The following FOXP1 variants were observed in gnomAD, a reference collection of about 807,000 sequenced individuals.
FOXP1 encodes forkhead box P1.
A neutral mutation model predicts 98.2 loss-of-function variants in FOXP1; 15 were observed. The ratio of observed to expected loss-of-function variants is 0.15; its 90% confidence interval spans 0.10 to 0.24. The LOEUF is 0.24. FOXP1 is among the 10% of genes least tolerant of loss of function. The pLI is 1.00. For missense variants in FOXP1, 633 were observed against 848.5 expected, an observed-to-expected ratio of 0.75 and a Z score of 3.15; for synonymous variants, 371 against 314.5, an observed-to-expected ratio of 1.18 and a Z score of -1.90.
intron 2 of FOXP1, among the ~76,000 whole-genome samples, chr3:71,561,235 T>C (rs1016423561): frequency 6.6e-6 from 1 of 152,020 alleles, no homozygotes; most frequent in African/African-American, 2.4e-5. Flanking sequence ...TTTGTATTTT[T>C]AGTAGAGACG....
intron 5 of FOXP1, among the ~76,000 whole-genome samples, chr3:71,297,156 T>C (rs1461443315): frequency 6.6e-6 from 1 of 152,214 alleles, no homozygotes; most frequent in Non-Finnish European, 1.5e-5. Flanking sequence ...AGACTGAGCA[T>C]ATAAAATACT....
At chr3:71,353,142 C>G (rs1469183155) in intron 4 of FOXP1, among the ~76,000 whole-genome samples, 1 of 152,164 alleles carries the variant, frequency 6.6e-6, no homozygotes, top group Non-Finnish European at 1.5e-5. Context: ...AGTCACCTGG[C>G]ACTGAGAGAC....
chr3:71,568,450 T>A (rs1237945583), intron 2 of FOXP1, among the ~76,000 whole-genome samples: 1 of 152,120 alleles, frequency 6.6e-6, no homozygotes, highest in Non-Finnish European at 1.5e-5. Flanking sequence ...TTCATGGACA[T>A]GTGACCTGTG....
chr3:71,576,063 T>C (rs557722987), intron 2 of FOXP1, among the ~76,000 whole-genome samples: 3 of 152,376 alleles, frequency 2.0e-5, no homozygotes, highest in South Asian at 4.1e-4. Flanking sequence ...ATCTATTCTA[T>C]TGAACATAAA....
At chr3:71,581,510 G>A (rs945760297) in intron 2 of FOXP1, 39 bp downstream of exon 2, 1 of 985,342 alleles carries the variant, frequency 1.0e-6, no homozygotes, top group African/African-American at 1.7e-5. Context: ...GGGCTCTCCG[G>A]TGTCCCTGGA....
chr3:71,183,991 A>G (rs1196768761), intron 6 of FOXP1, among the ~76,000 whole-genome samples: 1 of 152,156 alleles, frequency 6.6e-6, no homozygotes, highest in East Asian at 1.9e-4. Flanking sequence ...TGTCTCTACT[A>G]AAAATAAAAA....
intron 11 of FOXP1, among the ~76,000 whole-genome samples, chr3:71,039,915 A>G (rs1034522097): frequency 1.3e-5 from 2 of 152,146 alleles, no homozygotes; most frequent in Admixed American, 6.5e-5. Context: ...TCCTCTATCT[A>G]TTCTTCAAAC....
chr3:71,001,056 A>G lies in FOXP1; in HGVS notation c.978T>C (p.His326=). Reference sequence around the variant, plus strand: ...CGTCCAGCGCATGCTCACTGTTGAGATGTCTGCAACAATACATAGAAAATC... The same window carrying G: ...CGTCCAGCGCATGCTCACTGTTGAGGTGTCTGCAACAATACATAGAAAATC... ...VCEDFQSFLK[H]LNSEHALDDR... is the part of the protein sequence containing the mutation. Residue 326 remains histidine (H), a synonymous_variant, in exon 13 of 21, where the codon CAT becomes CAC. Transcript: ENST00000649528. The G allele has an allele frequency of 6.2e-7, 1 of 1,607,664 alleles. No homozygotes were observed. Among genetic ancestry groups the G allele is most frequent in the African/African-American group, 1.3e-5 (1 of 74,922 alleles).
At chr3:71,447,680 G>A (rs1230444188) in intron 3 of FOXP1, among the ~76,000 whole-genome samples, 1 of 152,158 alleles carries the variant, frequency 6.6e-6, no homozygotes, top group African/African-American at 2.4e-5. Flanking sequence ...TGCCCTACCT[G>A]TTCAGACACA....
At chr3:71,544,002 T>C (rs1336801796) in intron 2 of FOXP1, among the ~76,000 whole-genome samples, 8 of 79,696 alleles carry the variant, frequency 1.0e-4, no homozygotes, top group Non-Finnish European at 1.6e-4. Context: ...TATACACACA[T>C]GTATGTGTGT....
At chr3:71,560,519 G>A (rs1339835225) in intron 2 of FOXP1, among the ~76,000 whole-genome samples, 1 of 152,200 alleles carries the variant, frequency 6.6e-6, no homozygotes, top group East Asian at 1.9e-4. Flanking sequence ...GTTAAACATA[G>A]AAGGTAGCAT....
intron 4 of FOXP1, among the ~76,000 whole-genome samples, chr3:71,314,764 T>C (rs559112068): frequency 2.0e-5 from 3 of 152,056 alleles, no homozygotes; most frequent in African/African-American, 7.2e-5. Context: ...AAAGTTAGCC[T>C]TGGGGCTGCC....
chr3:71,063,900 CT>C (rs1274652421), intron 7 of FOXP1, among the ~76,000 whole-genome samples: 1 of 152,200 alleles, frequency 6.6e-6, no homozygotes, highest in Non-Finnish European at 1.5e-5. Flanking sequence ...TTACCACCCA[CT>C]TCCTAAAGGT....
intron 4 of FOXP1, among the ~76,000 whole-genome samples, chr3:71,347,680 G>A (rs2107816713): frequency 6.6e-6 from 1 of 152,198 alleles, no homozygotes; most frequent in Non-Finnish European, 1.5e-5. Flanking sequence ...GAGGTCGGGG[G>A]TTCGAGACCA....
intron 6 of FOXP1, among the ~76,000 whole-genome samples, chr3:71,178,968 G>T (rs111334722): frequency 1.3e-5 from 2 of 148,858 alleles, no homozygotes; most frequent in African/African-American, 5.0e-5. Context: ...TACTTGAGAG[G>T]CTAAGGCATG....
chr3:71,203,935 AAGG>A (rs2063825127), intron 5 of FOXP1, among the ~76,000 whole-genome samples: 1 of 135,856 alleles, frequency 7.4e-6, no homozygotes, highest in Non-Finnish European at 1.6e-5. Flanking sequence ...ATGGAAAAGG[AAGG>A]AGGAAGGAAG....
intron 7 of FOXP1, among the ~76,000 whole-genome samples, chr3:71,066,285 T>C (rs72947418): frequency 0.03 from 4,591 of 152,102 alleles, 259 homozygotes; most frequent in African/African-American, 0.1. Flanking sequence ...CCCTCTTTAC[T>C]CTGGCTGTAA....
chr3:71,114,036 A>G (rs1474349357), intron 6 of FOXP1, among the ~76,000 whole-genome samples: 1 of 152,222 alleles, frequency 6.6e-6, no homozygotes, highest in Non-Finnish European at 1.5e-5. Flanking sequence ...TTTAGACACA[A>G]AATGAGACTT....
At chr3:70,971,202 C>A (rs184047978) in intron 18 of FOXP1, 6 of 289,944 alleles carry the variant, frequency 2.1e-5, no homozygotes, top group African/African-American at 1.1e-4. Flanking sequence ...CAGAGAGAAT[C>A]TTGGCTCCTA....
Sources: allele counts gnomAD v4.1 joint callset (sites outside exome capture counted in the v4.1 genomes callset), GRCh38; gene constraint gnomAD v4.1.1; transcripts MANE v1.5; gene names NCBI Gene and HGNC (gene_info 2026-07-23, HGNC 2026-07-21).